NUP93: variants seen among roughly 807,000 people sequenced by gnomAD.
NUP93 encodes nucleoporin 93.
A neutral mutation model predicts 107.8 loss-of-function variants in NUP93; 55 were observed. That is an observed-to-expected ratio of 0.51 (90% confidence interval 0.41 to 0.64). The LOEUF (loss-of-function observed/expected upper bound fraction) is 0.64, where lower values mean the gene tolerates loss of function less well. NUP93 is among the 30% of genes least tolerant of loss of function. The pLI is 0.00. For missense variants in NUP93, 937 were observed against 1,044.7 expected (o/e 0.90, Z 1.42); for synonymous variants, 390 against 397.5 (o/e 0.98, Z 0.22).
intron 8 of NUP93, among the ~76,000 whole-genome samples, chr16:56,827,036 C>T (rs1421102654): frequency 1.1e-4 from 3 of 28,024 alleles, no homozygotes; most frequent in African/African-American, 4.9e-4. Flanking sequence ...TGGAATGAGA[C>T]TCCGTCTCAA....
intron 7 of NUP93, among the ~76,000 whole-genome samples, chr16:56,822,586 G>GT (rs1368498374): frequency 9.7e-6 from 1 of 102,794 alleles, no homozygotes; most frequent in Non-Finnish European, 1.9e-5. Context: ...TTGAGTTGAA[G>GT]TTTCACTGTT....
chr16:56,799,815 G>A (rs1372425386), intron 4 of NUP93, among the ~76,000 whole-genome samples: 4 of 152,210 alleles, frequency 2.6e-5, no homozygotes, highest in Non-Finnish European at 5.9e-5. Flanking sequence ...GGGCAGCAGG[G>A]AGACTTGCCA....
At chr16:56,769,288 G>A (rs9928125) in intron 3 of NUP93, among the ~76,000 whole-genome samples, 4,114 of 152,232 alleles carry the variant, frequency 0.027, 201 homozygotes, top group African/African-American at 0.092. Flanking sequence ...CCACAGTGCC[G>A]GAGAAAAGTA....
intron 3 of NUP93, among the ~76,000 whole-genome samples, chr16:56,770,159 G>A (rs920719933): frequency 2.0e-5 from 3 of 152,232 alleles, no homozygotes; most frequent in Non-Finnish European, 2.9e-5. Flanking sequence ...AGGAAGAGAA[G>A]ACTAAGCAGG....
chr16:56,839,018 G>A lies in NUP93; in HGVS notation c.2085G>A (p.Leu695=). The change falls in exon 19 of 22, where the codon TTG becomes TTA. Residue 695 remains leucine, a synonymous_variant. Coordinates refer to ENST00000308159, the MANE Select transcript of NUP93 (RefSeq NM_014669.5). The part of the protein sequence containing the change: ...VDSTFYLLLD[L]ITFFDEYHSG... The stretch of plus-strand genomic sequence containing the variant: ...CCACGTTCTATCTTCTTTTGGACTT[G>A]ATCACCTTTTTTGACGAGTATCATA... The A allele has an allele frequency of 1.2e-6, 2 of 1,613,992 alleles. No homozygotes were observed. The highest frequency in any genetic ancestry group is 1.6e-4 in the Middle Eastern group (1 of 6,062).
chr16:56,783,802 C>T (rs755752830), intron 3 of NUP93: 306 of 985,162 alleles, frequency 3.1e-4, no homozygotes, highest in Non-Finnish European at 3.6e-4. Flanking sequence ...TGAATTTGCA[C>T]ATTGTATAGA....
intron 18 of NUP93, 125 bp downstream of exon 18, chr16:56,837,851 A>T: frequency 3.0e-6 from 2 of 663,306 alleles, no homozygotes; most frequent in Non-Finnish European, 5.3e-6. Context: ...AAGTGGTTCT[A>T]CTAACTCACC....
In NUP93 at chr16:56,788,805, A is replaced by AGTT. The variant is rs1348786235; in HGVS notation, c.298-9670_298-9668dup. 2.6e-5 allele frequency among the ~76,000 whole-genome samples: 4 copies of AGTT among 152,294 alleles called. No individual in the cohort carries two copies. In the East Asian group the frequency reaches 5.8e-4, roughly 22 times the overall value. Reference sequence around the variant, plus strand: ...GTAGGTATCAGAAGAGCCATCTAGTAGTTATGTGCCTACATTGTGTTGACA... The same window carrying AGTT: ...GTAGGTATCAGAAGAGCCATCTAGTAGTTGTTATGTGCCTACATTGTGTTGACA... On this transcript the variant is annotated intron_variant, in intron 3 of 21. Coordinates refer to ENST00000308159, the MANE Select transcript of NUP93 (RefSeq NM_014669.5).
intron 5 of NUP93, among the ~76,000 whole-genome samples, chr16:56,814,993 G>A (rs1963391387): frequency 6.6e-6 from 1 of 152,208 alleles, no homozygotes; most frequent in Non-Finnish European, 1.5e-5. Context: ...GACTTTATGT[G>A]CGGGGAAATA....
chr16:56,808,527 AAT>A (rs1350256575), intron 5 of NUP93, among the ~76,000 whole-genome samples: 1 of 115,538 alleles, frequency 8.7e-6, no homozygotes, highest in Non-Finnish European at 1.6e-5. Context: ...ACTATATATA[AAT>A]ATAGTTATAT....
intron 8 of NUP93, among the ~76,000 whole-genome samples, chr16:56,825,597 T>C (rs776766639): frequency 6.6e-6 from 1 of 152,154 alleles, no homozygotes; most frequent in Non-Finnish European, 1.5e-5. Flanking sequence ...ATCCTTAACA[T>C]TGGTCCTTGA....
chr16:56,742,127 T>G (rs1238943918), intron 1 of NUP93, among the ~76,000 whole-genome samples: 3 of 152,256 alleles, frequency 2.0e-5, no homozygotes, highest in African/African-American at 7.2e-5. Context: ...TAGCATCCTG[T>G]GCATTAGGTC....
At chr16:56,832,265 C>T (rs374779983) in intron 11 of NUP93, 30 bp from the exon 12 acceptor site, 4 of 1,576,784 alleles carry the variant, frequency 2.5e-6, no homozygotes, top group Non-Finnish European at 3.5e-6. Context: ...GTCATTTGTA[C>T]CAATGCATGT....
In NUP93 at chr16:56,828,608, T is replaced by A. The variant is rs796555222; in HGVS notation, c.795-369T>A. On this transcript the variant is annotated intron_variant, in intron 8 of 21. Coordinates refer to ENST00000308159, the MANE Select transcript of NUP93 (RefSeq NM_014669.5). ...GTTATGTGCATTCATTGAACTATTC[T>A]TTTAATTTTTTGTAGGTTTGAAAGT... Among the ~76,000 whole-genome samples the A allele has an allele frequency of 9.2e-5, 14 of 152,376 alleles. 2 individuals are homozygous for A. The highest frequency in any genetic ancestry group is 3.4e-4 in the African/African-American group (14 of 41,590).
Position 56,821,530 on chromosome 16 carries a change from A to C in NUP93, c.591A>C (p.Val197=), listed in dbSNP as rs1295903424. ...TTTATATCTATAATGAGAAAATTGT[A>C]AATGGACACCTGCAGCCTAACCTGG... ...RQIYIYNEKI[V]NGHLQPNLVD... is the part of the protein sequence containing the mutation. Residue 197 remains valine (V), a synonymous_variant, in exon 7 of 22, where the codon GTA becomes GTC. Transcript: ENST00000308159. The C allele has an allele frequency of 6.2e-7, 1 of 1,612,324 alleles. No individual in the cohort carries two copies. The highest frequency in any genetic ancestry group is 1.7e-5 in the Admixed American group (1 of 60,004).
At position 56,798,473 on chromosome 16, in the gene NUP93, T is replaced by A; in HGVS notation, c.298-3T>A. 6.2e-7 allele frequency: 1 copy of A among 1,613,770 alleles called. No homozygotes were observed. The highest frequency in any genetic ancestry group is 8.5e-7 in the Non-Finnish European group (1 of 1,179,638). On this transcript the variant is annotated splice_region_variant and splice_polypyrimidine_tract_variant and intron_variant, in intron 3 of 21. Transcript: ENST00000308159. ...AGTTGTGTTAATTTTCCCCCATTTA[T>A]AGGGCTTCCTGAAGAATGAGAAGGA...
chr16:56,771,510 T>G (rs1962321671), intron 3 of NUP93, among the ~76,000 whole-genome samples: 2 of 152,228 alleles, frequency 1.3e-5, no homozygotes, highest in African/African-American at 4.8e-5. Context: ...GTCGAATTTC[T>G]TAATGTTTTG....
chr16:56,821,176 A>T (rs1963533879), intron 6 of NUP93, among the ~76,000 whole-genome samples: 1 of 152,186 alleles, frequency 6.6e-6, no homozygotes, highest in Non-Finnish European at 1.5e-5. Flanking sequence ...CTTGGTTATT[A>T]GGAAGCAGCA....
chr16:56,756,070 C>G (rs1962012756), intron 2 of NUP93, among the ~76,000 whole-genome samples: 2 of 151,892 alleles, frequency 1.3e-5, no homozygotes, highest in Non-Finnish European at 2.9e-5. Flanking sequence ...TAGGTTACTC[C>G]TGAAGCTACG....
Sources: allele counts gnomAD v4.1 joint callset (sites outside exome capture counted in the v4.1 genomes callset), GRCh38; gene constraint gnomAD v4.1.1; transcripts MANE v1.5; gene names NCBI Gene and HGNC (gene_info 2026-07-23, HGNC 2026-07-21).